The following DSCAM variants were observed in gnomAD, a reference collection of about 807,000 sequenced individuals.
DSCAM encodes the protein cell adhesion molecule DSCAM.
A neutral mutation model predicts 217.7 loss-of-function variants in DSCAM; 47 were observed. That is an observed-to-expected ratio of 0.22 (90% confidence interval 0.17 to 0.28). The LOEUF (loss-of-function observed/expected upper bound fraction) is 0.28, where lower values mean the gene tolerates loss of function less well. DSCAM is among the 10% of genes least tolerant of loss of function. DSCAM has a pLI of 1.00. For missense variants in DSCAM, 2,080 were observed against 2,618.3 expected (o/e 0.79, Z 4.49); for synonymous variants, 1,056 against 1,015.3 (o/e 1.04, Z -0.76).
At chr21:40,342,919 C>T (rs779784473) in intron 6 of DSCAM, among the ~76,000 whole-genome samples, 1 of 151,008 alleles carries the variant, frequency 6.6e-6, no homozygotes, top group Non-Finnish European at 1.5e-5. Flanking sequence ...GAATTGTTAA[C>T]TTAGGAATAT....
Position 40,026,887 on chromosome 21 carries a change from A to G in DSCAM, c.5687-13501T>C, listed in dbSNP as rs1212492107. ...TTTAGTCCATTTACATGTAAAGTTA[A>G]TATTGTTATGTGTGTATTTGATCCT... On this transcript the variant is annotated intron_variant, in intron 32 of 32. Coordinates refer to ENST00000400454, the MANE Select transcript of DSCAM (RefSeq NM_001389.5). Among the ~76,000 whole-genome samples, 13 of 152,342 alleles carry G rather than the reference A, an allele frequency of 8.5e-5. No homozygotes were observed. In the East Asian group the frequency reaches 2.5e-3, roughly 29 times the overall value.
At chr21:40,749,770 A>C (rs532041478) in intron 1 of DSCAM, among the ~76,000 whole-genome samples, 1 of 152,212 alleles carries the variant, frequency 6.6e-6, no homozygotes, top group East Asian at 1.9e-4. Flanking sequence ...GGATGTCTGT[A>C]CTCCATGTTT....
chr21:40,394,591 T>C (rs1039087608), intron 3 of DSCAM, among the ~76,000 whole-genome samples: 1 of 152,176 alleles, frequency 6.6e-6, no homozygotes, highest in African/African-American at 2.4e-5. Context: ...CCAAGGCAGG[T>C]AAACCAGAAA....
intron 16 of DSCAM, among the ~76,000 whole-genome samples, chr21:40,147,628 T>C (rs540376158): frequency 6.6e-5 from 10 of 152,356 alleles, no homozygotes; most frequent in African/African-American, 2.4e-4. Context: ...ACCATTTCTA[T>C]CCAATGCAAT....
intron 11 of DSCAM, among the ~76,000 whole-genome samples, chr21:40,203,799 G>A (rs990871642): frequency 1.3e-5 from 2 of 152,072 alleles, no homozygotes; most frequent in Non-Finnish European, 2.9e-5. Flanking sequence ...CGGCTAAAGA[G>A]CTTTTCATAT....
intron 3 of DSCAM, among the ~76,000 whole-genome samples, chr21:40,623,487 C>T (rs1167031579): frequency 6.6e-6 from 1 of 152,196 alleles, no homozygotes; most frequent in East Asian, 1.9e-4. Context: ...GATAGCCTGG[C>T]AGCTACATGC....
rs371994843 is a variant in DSCAM, at chr21:40,371,961, A to G, written c.509-2716T>C. 5.3e-5 allele frequency among the ~76,000 whole-genome samples: 8 copies of G among 152,190 alleles called. No individual in the cohort carries two copies. The East Asian group carries it at 1.3e-3, about 26-fold the overall frequency. The stretch of plus-strand genomic sequence containing the variant: ...CCTTTGTCTAGTCCTTCATTTCTCA[A>G]TTTATCTCATCTTGAAATTGATCAA... On this transcript the variant is annotated intron_variant, in intron 3 of 32. Coordinates refer to ENST00000400454, the MANE Select transcript of DSCAM (RefSeq NM_001389.5).
At chr21:40,338,596 C>T (rs1238889409) in intron 7 of DSCAM, among the ~76,000 whole-genome samples, 2 of 152,216 alleles carry the variant, frequency 1.3e-5, no homozygotes, top group South Asian at 2.1e-4. Flanking sequence ...TTATCTGCTA[C>T]TTCTATGAAA....
chr21:40,845,408 C>T (rs1162078718), intron 1 of DSCAM, among the ~76,000 whole-genome samples: 1 of 152,180 alleles, frequency 6.6e-6, no homozygotes, highest in East Asian at 1.9e-4. Context: ...AGAAAATGCA[C>T]TGCCTTGCAG....
At chr21:40,740,987 G>C (rs1003440409) in intron 1 of DSCAM, among the ~76,000 whole-genome samples, 2 of 152,200 alleles carry the variant, frequency 1.3e-5, no homozygotes, top group Non-Finnish European at 2.9e-5. Context: ...TGTGTGGCAT[G>C]CAGAAGGACA....
intron 3 of DSCAM, among the ~76,000 whole-genome samples, chr21:40,631,466 T>A (rs55927707): frequency 0.024 from 3,645 of 152,266 alleles, 156 homozygotes; most frequent in African/African-American, 0.082. Flanking sequence ...TTGGGTGGGA[T>A]TCTGGGCTTG....
chr21:40,571,752 C>G (rs1347142961), intron 3 of DSCAM, among the ~76,000 whole-genome samples: 2 of 152,160 alleles, frequency 1.3e-5, no homozygotes, highest in Non-Finnish European at 2.9e-5. Flanking sequence ...TATCCAAAAT[C>G]TGAAATATTC....
intron 4 of DSCAM, among the ~76,000 whole-genome samples, chr21:40,365,093 G>A (rs1246404408): frequency 1.3e-5 from 2 of 151,608 alleles, no homozygotes; most frequent in African/African-American, 4.8e-5. Flanking sequence ...TATTTAATGT[G>A]ATGATTAATA....
At chr21:40,759,736 C>T (rs1294712658) in intron 1 of DSCAM, among the ~76,000 whole-genome samples, 1 of 152,096 alleles carries the variant, frequency 6.6e-6, no homozygotes, top group Admixed American at 6.5e-5. Context: ...ATCCCTCCTG[C>T]CATCATCCCA....
At chr21:40,064,589 GT>G (rs2089178318) in intron 27 of DSCAM, among the ~76,000 whole-genome samples, 1 of 152,130 alleles carries the variant, frequency 6.6e-6, no homozygotes, top group Admixed American at 6.5e-5. Flanking sequence ...GATGCCAAGG[GT>G]TGACCGTTTG....
chr21:40,182,549 C>CGTGGACAGGAGGGAGGTACCAGAGAAACT (rs1568986281), intron 14 of DSCAM, among the ~76,000 whole-genome samples: 1 of 149,988 alleles, frequency 6.7e-6, no homozygotes, highest in Non-Finnish European at 1.5e-5. Flanking sequence ...ACAGAGAAAC[C>CGTGGACAGGAGGGAGGTACCAGAGAAACT]GTGGACAGGA....
Position 40,764,686 on chromosome 21 carries a change from A to G in DSCAM, c.44-55915T>C, listed in dbSNP as rs140710568. ...TGCTGCATTATTTACAATAGCAAAG[A>G]CTTGGAACCAACCCAAATACCCATC... is the stretch of plus-strand genomic sequence containing the variant. On this transcript the variant is annotated intron_variant, in intron 1 of 32. Transcript: ENST00000400454. Among the ~76,000 whole-genome samples, 651 of 152,340 alleles carry G rather than the reference A, an allele frequency of 4.3e-3. 5 individuals are homozygous for G. The highest frequency in any genetic ancestry group is 0.014 in the African/African-American group (594 of 41,566).
intron 3 of DSCAM, among the ~76,000 whole-genome samples, chr21:40,506,179 T>C (rs1442036594): frequency 6.6e-6 from 1 of 152,248 alleles, no homozygotes; most frequent in East Asian, 1.9e-4. Context: ...CAAAGATGAA[T>C]GAGCATCGGC....
At chr21:40,750,681 C>T (rs918063095) in intron 1 of DSCAM, among the ~76,000 whole-genome samples, 39 of 151,748 alleles carry the variant, frequency 2.6e-4, no homozygotes, top group African/African-American at 8.7e-4. Flanking sequence ...CATCAGAAAC[C>T]GAACATTCTT....
Sources: gnomAD v4.1 joint callset for allele counts (sites outside exome capture counted in the v4.1 genomes callset) on GRCh38, gnomAD v4.1.1 for gene constraint, MANE v1.5 for transcripts, NCBI Gene and HGNC (gene_info 2026-07-23, HGNC 2026-07-21) for gene names.